DRC1: variants seen among roughly 807,000 people sequenced by gnomAD.
DRC1 encodes the protein dynein regulatory complex protein 1.
In DRC1, 74 loss-of-function variants were observed where a neutral mutation model predicts 98.7. The ratio of observed to expected loss-of-function variants is 0.75; its 90% CI spans 0.62 to 0.91. The LOEUF (loss-of-function observed/expected upper bound fraction) is 0.91. Ranked by LOEUF, DRC1 falls within the 40% of genes least tolerant of loss-of-function variation. The pLI, the probability that DRC1 is intolerant of heterozygous loss-of-function variation, is 0.00. For synonymous variants in DRC1, 336 were observed against 334.1 expected, an observed-to-expected ratio of 1.01 and a Z score of -0.06; for missense variants, 875 against 886.0, an observed-to-expected ratio of 0.99 and a Z score of 0.16.
At chr2:26,439,479 C>A (rs1663657193) in intron 7 of DRC1, among the ~76,000 whole-genome samples, 1 of 152,182 alleles carries the variant, frequency 6.6e-6, no homozygotes, top group Non-Finnish European at 1.5e-5. Context: ...ATTAGGCACA[C>A]AATAAATAGT....
chr2:26,444,151 C>G lies in DRC1; in HGVS notation c.1029-71C>G, dbSNP rs1171876501. 3 of 1,599,132 alleles carry G rather than the reference C, an allele frequency of 1.9e-6. No individual in the cohort carries two copies. In the Admixed American group the frequency reaches 5.3e-5, roughly 28 times the overall value. Reference sequence around the variant, plus strand: ...TCCTGGGTTTGTGGTAGAGCTGAATCAGGTGGATGAGAGGAACATACATAA... The same window carrying G: ...TCCTGGGTTTGTGGTAGAGCTGAATGAGGTGGATGAGAGGAACATACATAA... On this transcript the variant is annotated intron_variant, in intron 8 of 16. Coordinates refer to ENST00000288710, the MANE Select transcript of DRC1 (RefSeq NM_145038.5).
intron 6 of DRC1, among the ~76,000 whole-genome samples, chr2:26,431,088 A>G (rs1663425220): frequency 1.3e-5 from 2 of 151,378 alleles, no homozygotes; most frequent in Admixed American, 6.6e-5. Flanking sequence ...AGCCTCCCGA[A>G]TAGCTGGGAT....
At chr2:26,405,651 A>ATT (rs1678394515) in intron 1 of DRC1, among the ~76,000 whole-genome samples, 2 of 86,010 alleles carry the variant, frequency 2.3e-5, no homozygotes, top group African/African-American at 9.4e-5. Flanking sequence ...TAAAGGCTAT[A>ATT]TCTTTTTTTT....
chr2:26,448,618 G>A, intron 10 of DRC1, 73 bp from the exon 11 acceptor site: 2 of 1,475,634 alleles, frequency 1.4e-6, no homozygotes, highest in Non-Finnish European at 9.4e-7. Context: ...CCATCTGACT[G>A]TTTCTCAGAG....
chr2:26,424,460 A>T lies in DRC1; in HGVS notation c.540+6A>T. On this transcript the variant is annotated splice_donor_region_variant and intron_variant, in intron 4 of 16. Transcript: ENST00000288710. ...TCATCAGCGAGTTACAGCAGGCAAG[A>T]GGCCCGGGCCCTCCAGCCCAGCCAC... The T allele has an allele frequency of 1.2e-6, 2 of 1,600,686 alleles. No homozygotes were observed. The highest frequency in any genetic ancestry group is 1.7e-6 in the Non-Finnish European group (2 of 1,170,514).
intron 7 of DRC1, among the ~76,000 whole-genome samples, chr2:26,437,444 G>A (rs1384795039): frequency 6.6e-6 from 1 of 152,248 alleles, no homozygotes; most frequent in African/African-American, 2.4e-5. Flanking sequence ...CCCTCCGCAA[G>A]GGCCAGGCCT....
At chr2:26,441,470 A>G (rs1381569813) in intron 8 of DRC1, among the ~76,000 whole-genome samples, 1 of 152,168 alleles carries the variant, frequency 6.6e-6, no homozygotes, top group Non-Finnish European at 1.5e-5. Context: ...AATATTTATG[A>G]AAAAATTCCC....
intron 2 of DRC1, among the ~76,000 whole-genome samples, chr2:26,415,886 C>T (rs974267378): frequency 3.4e-5 from 5 of 145,474 alleles, no homozygotes; most frequent in African/African-American, 1.3e-4. Flanking sequence ...GATCTGAGAT[C>T]AGGCCACTGC....
chr2:26,415,484 A>G (rs759098571), intron 2 of DRC1, among the ~76,000 whole-genome samples: 6 of 152,210 alleles, frequency 3.9e-5, no homozygotes, highest in Non-Finnish European at 8.8e-5. Flanking sequence ...AGAGGTATAG[A>G]GAGATCACTG....
chr2:26,452,166 C>T (rs925696493), intron 13 of DRC1, among the ~76,000 whole-genome samples: 2 of 152,086 alleles, frequency 1.3e-5, no homozygotes, highest in African/African-American at 4.8e-5. Context: ...CAGGCACACT[C>T]ATAAGTTACT....
chr2:26,403,826 C>T (rs1201143193), intron 1 of DRC1, among the ~76,000 whole-genome samples: 1 of 136,068 alleles, frequency 7.3e-6, no homozygotes, highest in South Asian at 2.3e-4. Context: ...TTGGGCCGGG[C>T]GCAGTGGCTC....
At chr2:26,422,688 G>C (rs1663176505) in intron 3 of DRC1, among the ~76,000 whole-genome samples, 1 of 152,206 alleles carries the variant, frequency 6.6e-6, no homozygotes, top group Non-Finnish European at 1.5e-5. Flanking sequence ...GGCCGAGGAA[G>C]GCGGATTGCT....
At chr2:26,452,048 A>C (rs1287353567) in intron 13 of DRC1, among the ~76,000 whole-genome samples, 1 of 151,938 alleles carries the variant, frequency 6.6e-6, no homozygotes, top group African/African-American at 2.4e-5. Context: ...GAGAAATGCA[A>C]ATTAAAATGG....
At chr2:26,446,581 G>A (rs1663857752) in intron 10 of DRC1, among the ~76,000 whole-genome samples, 1 of 152,058 alleles carries the variant, frequency 6.6e-6, no homozygotes, top group Admixed American at 6.6e-5. Flanking sequence ...CAGTATCAAA[G>A]TGTATCCCCT....
intron 4 of DRC1, among the ~76,000 whole-genome samples, chr2:26,427,137 G>A (rs1663304516): frequency 6.6e-6 from 1 of 151,834 alleles, no homozygotes; most frequent in Non-Finnish European, 1.5e-5. Flanking sequence ...ATTTTTTTGA[G>A]ACAGAGTCTC....
intron 7 of DRC1, among the ~76,000 whole-genome samples, chr2:26,433,027 A>T (rs571482988): frequency 2.0e-5 from 3 of 152,338 alleles, no homozygotes; most frequent in African/African-American, 7.2e-5. Context: ...AGAACTGTCT[A>T]ATATTCAGAA....
intron 5 of DRC1, 107 bp downstream of exon 5, chr2:26,429,872 G>T: frequency 2.5e-6 from 3 of 1,197,490 alleles, no homozygotes; most frequent in East Asian, 4.8e-5. Context: ...TTCTCTGTCC[G>T]CTGATTTCTG....
At chr2:26,452,409 G>T (rs1248359951) in intron 13 of DRC1, among the ~76,000 whole-genome samples, 1 of 152,130 alleles carries the variant, frequency 6.6e-6, no homozygotes, top group African/African-American at 2.4e-5. Context: ...ACAGGCACCT[G>T]CCACCACGCC....
At chr2:26,408,661 C>T (rs1678499524) in intron 1 of DRC1, among the ~76,000 whole-genome samples, 1 of 152,106 alleles carries the variant, frequency 6.6e-6, no homozygotes, top group Non-Finnish European at 1.5e-5. Context: ...ATCCCAGCTA[C>T]TTGGGAGGCT....
Sources: gnomAD v4.1 joint callset for allele counts (sites outside exome capture counted in the v4.1 genomes callset) on GRCh38, gnomAD v4.1.1 for gene constraint, MANE v1.5 for transcripts, NCBI Gene and HGNC (gene_info 2026-07-23, HGNC 2026-07-21) for gene names.